The following EDARADD variants were observed in gnomAD, a reference collection of about 807,000 sequenced individuals.
The protein encoded by EDARADD is EDAR associated via death domain.
In EDARADD, 20 loss-of-function variants were observed where a neutral mutation model predicts 25.6. The ratio of observed to expected loss-of-function variants is 0.78; its 90% confidence interval spans 0.55 to 1.14. The LOEUF (loss-of-function observed/expected upper bound fraction) is 1.14, where lower values mean the gene tolerates loss of function less well. EDARADD is among the 50% of genes most tolerant of loss of function. The pLI, the probability that EDARADD is intolerant of heterozygous loss-of-function variation, is 0.00. For synonymous variants in EDARADD, 86 were observed against 94.4 expected, an observed-to-expected ratio of 0.91 and a Z score of 0.52; for missense variants, 225 against 270.1, an observed-to-expected ratio of 0.83 and a Z score of 1.17.
intron 1 of EDARADD, among the ~76,000 whole-genome samples, chr1:236,394,891 T>C (rs2103000321): frequency 6.6e-6 from 1 of 152,360 alleles, no homozygotes; most frequent in Middle Eastern, 3.4e-3. Flanking sequence ...AACCCGAAGC[T>C]GTTTTTTCTA....
At chr1:236,417,581 G>C (rs547073352) in intron 3 of EDARADD, among the ~76,000 whole-genome samples, 1 of 152,096 alleles carries the variant, frequency 6.6e-6, no homozygotes, top group Non-Finnish European at 1.5e-5. Flanking sequence ...AGTTTTTGGG[G>C]GTTCATTTGG....
rs375713807 is a variant in EDARADD at position 236,437,643 on chromosome 1, A to G, written c.219+10193A>G. Among the ~76,000 whole-genome samples, 139 of 152,150 alleles carry G rather than the reference A, an allele frequency of 9.1e-4. 2 individuals are homozygous for G. The highest frequency in any genetic ancestry group is 3.1e-3 in the African/African-American group (129 of 41,494). ...GTGTTGGTGTATTAGGGCTGCCATAACAAAGTGCCACGAATGAAGTGACTT... is the reference window on the plus strand; with the variant it reads ...GTGTTGGTGTATTAGGGCTGCCATAGCAAAGTGCCACGAATGAAGTGACTT... On this transcript the variant is annotated intron_variant, in intron 4 of 5. Coordinates refer to ENST00000334232, the MANE Select transcript of EDARADD (RefSeq NM_145861.4).
At chr1:236,438,058 C>G (rs1264245071) in intron 4 of EDARADD, among the ~76,000 whole-genome samples, 1 of 152,164 alleles carries the variant, frequency 6.6e-6, no homozygotes. Context: ...TGCTCCAGGC[C>G]TCTCTTCATG....
Position 236,395,440 on chromosome 1 carries a change from C to G in EDARADD, c.61+935C>G. 1.4e-6 allele frequency: 2 copies of G among 1,471,226 alleles called. No individual in the cohort carries two copies. The highest frequency in any genetic ancestry group is 1.8e-6 in the Non-Finnish European group (2 of 1,113,324). 91.1% of individuals were successfully genotyped at this position (1,471,226 alleles called of 1,614,324 possible). ...TAATTGCCAAAGCAGGAAGTGAGCTCGTGGAAGAAGCGAAGGAGGAGAAGA... is the reference window on the plus strand; with the variant it reads ...TAATTGCCAAAGCAGGAAGTGAGCTGGTGGAAGAAGCGAAGGAGGAGAAGA... On this transcript the variant is annotated intron_variant, in intron 1 of 5. Transcript: ENST00000334232. The surrounding 1 kb of genome is among the most constrained non-coding windows in gnomAD (Gnocchi z 6.9).
intron 4 of EDARADD, among the ~76,000 whole-genome samples, chr1:236,436,276 G>GC (rs1658247734): frequency 6.6e-6 from 1 of 151,852 alleles, no homozygotes; most frequent in Non-Finnish European, 1.5e-5. Flanking sequence ...ACCTGCCTCA[G>GC]CCCCCGAGTA....
At chr1:236,427,549 A>G (rs1657957605) in intron 4 of EDARADD, 99 bp downstream of exon 4, 4 of 1,169,968 alleles carry the variant, frequency 3.4e-6, no homozygotes, top group Non-Finnish European at 4.9e-6. Flanking sequence ...AATGAAAAAC[A>G]GGATTTCTAG....
chr1:236,358,252 C>CAA (rs1433219261), intron 3 of EDARADD, among the ~76,000 whole-genome samples: 1 of 152,220 alleles, frequency 6.6e-6, no homozygotes, highest in African/African-American at 2.4e-5. Flanking sequence ...TTTATAAAGA[C>CAA]AATTCCCTTT....
intron 3 of EDARADD, among the ~76,000 whole-genome samples, chr1:236,385,734 A>T (rs1163307718): frequency 1.3e-5 from 2 of 152,168 alleles, no homozygotes; most frequent in Non-Finnish European, 2.9e-5. Context: ...CAAAAAAAAA[A>T]AGAAAGCTCT....
At chr1:236,348,923 T>G (rs1666882079) in exon 2 of EDARADD, 1 of 152,188 alleles carries the variant, frequency 6.6e-6, no homozygotes, top group East Asian at 1.9e-4. Context: ...AAGTGTTGGT[T>G]GCCTACAGCT....
chr1:236,391,684 G>A (rs1667426836), upstream of EDARADD, among the ~76,000 whole-genome samples: 1 of 152,124 alleles, frequency 6.6e-6, no homozygotes, highest in Admixed American at 6.5e-5. Flanking sequence ...AAATTTCACT[G>A]TAACACTTAC....
chr1:236,366,526 T>G (rs952585795), intron 3 of EDARADD, among the ~76,000 whole-genome samples: 3 of 152,196 alleles, frequency 2.0e-5, no homozygotes, highest in Non-Finnish European at 4.4e-5. Context: ...AGCACTCCAC[T>G]GAGTACTGAA....
intron 3 of EDARADD, among the ~76,000 whole-genome samples, chr1:236,352,577 G>A (rs1410722615): frequency 6.6e-6 from 1 of 152,212 alleles, no homozygotes; most frequent in Non-Finnish European, 1.5e-5. Flanking sequence ...GCCAGGTGTG[G>A]TGGCTTACGC....
At chr1:236,434,751 C>A (rs900032993) in intron 4 of EDARADD, among the ~76,000 whole-genome samples, 2 of 152,006 alleles carry the variant, frequency 1.3e-5, no homozygotes, top group African/African-American at 4.8e-5. Context: ...TAAGTTGAGA[C>A]CAGGGCCCCA....
At chr1:236,361,424 C>T (rs1334378759) in intron 3 of EDARADD, among the ~76,000 whole-genome samples, 3 of 151,862 alleles carry the variant, frequency 2.0e-5, no homozygotes, top group Non-Finnish European at 2.9e-5. Flanking sequence ...AAGTGATTCT[C>T]CTTCCTCAGC....
At chr1:236,470,183 G>A (rs557948330) in intron 5 of EDARADD, among the ~76,000 whole-genome samples, 3 of 152,234 alleles carry the variant, frequency 2.0e-5, no homozygotes, top group South Asian at 4.2e-4. Flanking sequence ...TTTAATCTGT[G>A]TATACAAATG....
chr1:236,436,899 A>G (rs561838097), intron 4 of EDARADD, among the ~76,000 whole-genome samples: 51 of 152,328 alleles, frequency 3.3e-4, no homozygotes, highest in African/African-American at 1.0e-3. Flanking sequence ...GAAATAGGCA[A>G]TGCTATGACA....
At chr1:236,447,611 G>C (rs1332903692) in intron 4 of EDARADD, among the ~76,000 whole-genome samples, 1 of 152,136 alleles carries the variant, frequency 6.6e-6, no homozygotes, top group African/African-American at 2.4e-5. Context: ...TTAAGCGGGA[G>C]GGGTCAGCAA....
At chr1:236,455,517 G>C (rs1187981854) in intron 4 of EDARADD, among the ~76,000 whole-genome samples, 2 of 152,182 alleles carry the variant, frequency 1.3e-5, no homozygotes, top group African/African-American at 4.8e-5. Context: ...TGGTTTGCTT[G>C]GTAACTCCTT....
chr1:236,405,874 CTTCTTTCTTTCT>C (rs869205931), intron 1 of EDARADD, among the ~76,000 whole-genome samples: 2 of 30,874 alleles, frequency 6.5e-5, no homozygotes, highest in East Asian at 1.7e-3. Flanking sequence ...TCCTTCCTTC[CTTCTTTCTTTCT>C]TTCTTTCTTT....
Sources: gnomAD v4.1 joint callset for allele counts (sites outside exome capture counted in the v4.1 genomes callset) on GRCh38, gnomAD v4.1.1 for gene constraint, Gnocchi (gnomAD v3.1) non-coding constraint, MANE v1.5 for transcripts, NCBI Gene and HGNC (gene_info 2026-07-23, HGNC 2026-07-21) for gene names.